NEBL: variants seen among roughly 807,000 people sequenced by gnomAD.
The protein encoded by NEBL is LIM and SH3 protein 2.
NEBL carries 122 observed loss-of-function variants against 140.2 expected under a neutral mutation model. The ratio of observed to expected loss-of-function variants is 0.87; its 90% CI spans 0.75 to 1.01. The LOEUF is 1.01. Among genes scored for constraint, NEBL ranks in the 50% least tolerant of loss-of-function variants. NEBL has a pLI of 0.00. For synonymous variants in NEBL, 436 were observed against 398.9 expected, an observed-to-expected ratio of 1.09 and a Z score of -1.11; for missense variants, 1,365 against 1,231.3, an observed-to-expected ratio of 1.11 and a Z score of -1.62.
intron 3 of NEBL, among the ~76,000 whole-genome samples, chr10:20,994,897 T>C (rs550308821): frequency 2.0e-5 from 3 of 152,210 alleles, no homozygotes; most frequent in African/African-American, 7.2e-5. Flanking sequence ...GGGGGGTTGG[T>C]CTTGCTGTCT....
intron 10 of NEBL, among the ~76,000 whole-genome samples, chr10:20,852,263 C>A (rs1335896801): frequency 6.6e-6 from 1 of 152,016 alleles, no homozygotes; most frequent in African/African-American, 2.4e-5. Context: ...GTGGTTTGAC[C>A]ATAGTTTAAT....
intron 1 of NEBL, among the ~76,000 whole-genome samples, chr10:21,254,643 A>T (rs1027290319): frequency 2.0e-5 from 3 of 152,146 alleles, no homozygotes; most frequent in Non-Finnish European, 4.4e-5. Flanking sequence ...CAGAACATGC[A>T]CGTGTTGTTG....
intron 3 of NEBL, among the ~76,000 whole-genome samples, chr10:21,234,644 T>G (rs72800004): frequency 0.04 from 6,122 of 152,152 alleles, 190 homozygotes; most frequent in South Asian, 0.14. Flanking sequence ...TTAATCCCCC[T>G]CTCTCTGCTC....
At chr10:21,243,694 T>C (rs1842473582) in intron 3 of NEBL, among the ~76,000 whole-genome samples, 1 of 152,146 alleles carries the variant, frequency 6.6e-6, no homozygotes, top group Non-Finnish European at 1.5e-5. Context: ...GTGCCAAGGC[T>C]TTATCCCCAT....
chr10:20,836,998 A>G (rs4556442), intron 13 of NEBL, among the ~76,000 whole-genome samples: 35,782 of 151,986 alleles, frequency 0.24, 4,559 homozygotes, highest in East Asian at 0.43. Flanking sequence ...CCGTTCCTCT[A>G]TCTCTTTCCC....
chr10:21,011,825 C>A (rs184950063), intron 3 of NEBL, among the ~76,000 whole-genome samples: 8 of 152,342 alleles, frequency 5.3e-5, no homozygotes, highest in African/African-American at 1.9e-4. Flanking sequence ...ACCCCTGGCC[C>A]CAGGGCCACA....
intron 3 of NEBL, among the ~76,000 whole-genome samples, chr10:21,197,084 G>A (rs189464460): frequency 3.3e-5 from 5 of 152,214 alleles, no homozygotes; most frequent in African/African-American, 7.2e-5. Context: ...CAGACAAATC[G>A]TGGCATATTT....
At chr10:21,076,027 G>A (rs1430952358) in intron 2 of NEBL, among the ~76,000 whole-genome samples, 2 of 152,062 alleles carry the variant, frequency 1.3e-5, no homozygotes, top group Non-Finnish European at 2.9e-5. Flanking sequence ...AAAACAGGAG[G>A]AAAATAACAG....
intron 3 of NEBL, among the ~76,000 whole-genome samples, chr10:21,003,545 C>T (rs1180916979): frequency 6.6e-6 from 1 of 152,168 alleles, no homozygotes; most frequent in Non-Finnish European, 1.5e-5. Flanking sequence ...CATGAATTTT[C>T]CTTCTGTATC....
chr10:21,227,343 C>A (rs923715814), intron 3 of NEBL, among the ~76,000 whole-genome samples: 1 of 152,124 alleles, frequency 6.6e-6, no homozygotes, highest in African/African-American at 2.4e-5. Context: ...TTAGTGTATA[C>A]CATTTATATA....
At chr10:21,280,561 A>G (rs1459475331) in intron 1 of NEBL, among the ~76,000 whole-genome samples, 1 of 151,748 alleles carries the variant, frequency 6.6e-6, no homozygotes, top group Non-Finnish European at 1.5e-5. Context: ...CCCAGAGTCA[A>G]GAAAGAGCCA....
intron 3 of NEBL, among the ~76,000 whole-genome samples, chr10:20,967,087 T>G (rs955508276): frequency 5.8e-5 from 8 of 137,024 alleles, no homozygotes; most frequent in African/African-American, 2.2e-4. Context: ...ATCCTACAGC[T>G]CACCAGCTCT....
intron 2 of NEBL, among the ~76,000 whole-genome samples, chr10:21,162,996 A>G (rs1276116016): frequency 6.6e-6 from 1 of 152,226 alleles, no homozygotes; most frequent in East Asian, 1.9e-4. Flanking sequence ...TAAGCTCATT[A>G]TTAGATTGGA....
intron 3 of NEBL, among the ~76,000 whole-genome samples, chr10:20,994,881 T>G (rs573737419): frequency 4.0e-5 from 6 of 150,314 alleles, no homozygotes; most frequent in African/African-American, 1.5e-4. Flanking sequence ...GAGGAGGAGG[T>G]AGAGGGGGGG....
chr10:21,198,091 G>A (rs1349133854), intron 3 of NEBL, among the ~76,000 whole-genome samples: 1 of 152,020 alleles, frequency 6.6e-6, no homozygotes, highest in Non-Finnish European at 1.5e-5. Context: ...AAACCTGTTG[G>A]TCATGTAACG....
chr10:20,807,153 C>A (rs978784589), intron 26 of NEBL, among the ~76,000 whole-genome samples: 1 of 152,056 alleles, frequency 6.6e-6, no homozygotes, highest in Non-Finnish European at 1.5e-5. Flanking sequence ...TGCGAGACCC[C>A]CGTCTCTATA....
intron 3 of NEBL, among the ~76,000 whole-genome samples, chr10:21,204,804 G>C (rs1269163566): frequency 6.6e-6 from 1 of 152,226 alleles, no homozygotes; most frequent in African/African-American, 2.4e-5. Context: ...AGGTGACTGA[G>C]GAAGGAGTGG....
chr10:21,166,718 A>G (rs1840794405), intron 2 of NEBL, among the ~76,000 whole-genome samples: 2 of 152,240 alleles, frequency 1.3e-5, no homozygotes, highest in Non-Finnish European at 2.9e-5. Flanking sequence ...AGACTTGCTC[A>G]GTAGGCCAGG....
At chr10:21,029,654 G>A in intron 2 of NEBL, 2 of 1,279,516 alleles carry the variant, frequency 1.6e-6, no homozygotes, top group Non-Finnish European at 2.3e-6. Flanking sequence ...GGTGATGATA[G>A]GTTTGGAGAC....
Sources: gnomAD v4.1 joint callset for allele counts (sites outside exome capture counted in the v4.1 genomes callset) on GRCh38, gnomAD v4.1.1 for gene constraint, MANE v1.5 for transcripts, NCBI Gene and HGNC (gene_info 2026-07-23, HGNC 2026-07-21) for gene names.